The following ECHS1 variants were observed in gnomAD, a reference collection of about 807,000 sequenced individuals.
ECHS1 encodes the protein enoyl-CoA hydratase, short chain 1.
ECHS1 carries 19 observed loss-of-function variants against 33.5 expected under a neutral mutation model. The observed-to-expected ratio is 0.57, with a 90% confidence interval of 0.40 to 0.83. The LOEUF (loss-of-function observed/expected upper bound fraction) is 0.83, where lower values mean the gene tolerates loss of function less well. Ranked by LOEUF, ECHS1 falls within the 40% of genes least tolerant of loss-of-function variation. ECHS1 has a pLI of 0.00. For synonymous variants in ECHS1, 158 were observed against 146.6 expected, an observed-to-expected ratio of 1.08 and a Z score of -0.56; for missense variants, 365 against 381.3, an observed-to-expected ratio of 0.96 and a Z score of 0.36.
At chr10:133,363,038 C>A (rs1848984623) in intron 7 of ECHS1, 105 bp from the exon 8 acceptor site, 5 of 1,323,708 alleles carry the variant, frequency 3.8e-6, no homozygotes, top group Non-Finnish European at 5.4e-6. Flanking sequence ...CTCATGCTCA[C>A]AGGGGCCCAG....
chr10:133,368,472 GT>G lies in ECHS1; in HGVS notation c.514+450del, dbSNP rs201938099. 9.4e-3 allele frequency among the ~76,000 whole-genome samples: 1,424 copies of G among 152,242 alleles called. 9 individuals carry two copies. The highest frequency in any genetic ancestry group is 0.015 in the Non-Finnish European group (1,031 of 67,998). ...CAGGAGAACCCTGGGGTTAGAGGGT[GT>G]TGCTTTTTGCCAAGAGCCCAGGCCC... is the stretch of plus-strand genomic sequence containing the variant. On this transcript the variant is annotated intron_variant, in intron 4 of 7. Transcript: ENST00000368547.
chr10:133,372,407 G>GA (rs1046432634), intron 1 of ECHS1, among the ~76,000 whole-genome samples: 2 of 152,238 alleles, frequency 1.3e-5, no homozygotes, highest in Admixed American at 1.3e-4. Context: ...TGTGGCTGGG[G>GA]AGGAGGTGTC....
At chr10:133,364,778 T>C (rs1165550220) in intron 6 of ECHS1, 53 bp from the exon 7 acceptor site, 14 of 1,455,230 alleles carry the variant, frequency 9.6e-6, no homozygotes, top group African/African-American at 1.4e-5. Context: ...GCAGAACTTT[T>C]CCTGCACGGT....
intron 5 of ECHS1, among the ~76,000 whole-genome samples, 191 bp from the exon 6 acceptor site, chr10:133,366,286 A>G (rs2133439960): frequency 6.6e-6 from 1 of 152,382 alleles, no homozygotes; most frequent in South Asian, 2.1e-4. Flanking sequence ...CACTGCGGTC[A>G]CTGTGCTCTC....
chr10:133,366,239 C>G (rs1034554331), intron 5 of ECHS1, 144 bp from the exon 6 acceptor site: 5 of 878,658 alleles, frequency 5.7e-6, no homozygotes, highest in South Asian at 3.4e-5. Flanking sequence ...ACGGGAAGTG[C>G]CGCACGTGCC....
At chr10:133,368,710 T>G (rs533066937) in intron 4 of ECHS1, among the ~76,000 whole-genome samples, 1 of 152,108 alleles carries the variant, frequency 6.6e-6, no homozygotes, top group Non-Finnish European at 1.5e-5. Context: ...CCATCAGATG[T>G]GGGCACAGTC....
intron 1 of ECHS1, among the ~76,000 whole-genome samples, chr10:133,372,103 G>A (rs1315907678): frequency 6.6e-6 from 1 of 152,194 alleles, no homozygotes; most frequent in African/African-American, 2.4e-5. Flanking sequence ...TATCCTGTGG[G>A]TTTCTAGGGG....
intron 1 of ECHS1, among the ~76,000 whole-genome samples, chr10:133,371,369 C>T (rs1189826945): frequency 6.6e-6 from 1 of 152,198 alleles, no homozygotes; most frequent in South Asian, 2.1e-4. Context: ...TCAGCTCTTC[C>T]CAGGACACCA....
intron 1 of ECHS1, among the ~76,000 whole-genome samples, chr10:133,372,642 C>T (rs1310109823): frequency 2.7e-5 from 4 of 147,106 alleles, no homozygotes; most frequent in East Asian, 2.2e-4. Flanking sequence ...TCCCGCAGGA[C>T]GTGGCCTGGT....
At position 133,366,002 on chromosome 10, in the gene ECHS1, G is replaced by C; in HGVS notation, c.713C>G (p.Ala238Gly). 6.2e-7 allele frequency: 1 copy of C among 1,613,902 alleles called. No individual in the cohort carries two copies. Among genetic ancestry groups the C allele is most frequent in the Non-Finnish European group, 8.5e-7 (1 of 1,180,016 alleles). Residue 238 changes from alanine (A) to glycine (G), a missense_variant, in exon 6 of 8, where the codon GCG becomes GGG. Physicochemically the swap from Ala to Gly is moderately conservative, Grantham distance 60. Coordinates refer to ENST00000368547, the MANE Select transcript of ECHS1 (RefSeq NM_004092.4). ...TGCATTCACTGATTCTTTGGCCATC[G>C]CTACTACAATTTTAGAATTGCTGGC... ...KIASNSKIVV[A>G]MAKESVNAAF...
intron 3 of ECHS1, among the ~76,000 whole-genome samples, chr10:133,369,378 G>A (rs549167886): frequency 3.9e-4 from 11 of 28,054 alleles, no homozygotes; most frequent in African/African-American, 6.7e-4. Context: ...GGCAGGGAGT[G>A]TCATGAAATG....
intron 1 of ECHS1, among the ~76,000 whole-genome samples, chr10:133,372,719 G>A (rs902439367): frequency 6.2e-5 from 9 of 144,822 alleles, no homozygotes; most frequent in Admixed American, 4.1e-4. Flanking sequence ...GGGTGGTGTC[G>A]GTGCGGGGTG....
rs141145016 is a variant in ECHS1 at position 133,366,072 on chromosome 10, C to T, written c.643G>A (p.Val215Ile). Residue 215 changes from valine (V) to isoleucine (I), a missense_variant, in exon 6 of 8, where the codon GTT becomes ATT. Val to Ile is a conservative substitution (Grantham distance 29, BLOSUM62 3). Transcript: ENST00000368547. ...QAGLVSKICP[V>I]ETLVEEAIQC... The stretch of plus-strand genomic sequence containing the variant: ...ATGGCTTCTTCCACCAGTGTCTCAA[C>T]AGGACAAATCTTGCTGACAAGACCT... 98 of 1,613,658 alleles carry T rather than the reference C, an allele frequency of 6.1e-5. No homozygotes were observed. The Admixed American group carries it at 7.2e-4, about 12-fold the overall frequency.
At chr10:133,366,624 CACCT>C (rs1849034743) in intron 5 of ECHS1, among the ~76,000 whole-genome samples, 1 of 150,960 alleles carries the variant, frequency 6.6e-6, no homozygotes, top group African/African-American at 2.4e-5. Flanking sequence ...ACGAGGGGGA[CACCT>C]GGATGCCGCC....
In ECHS1 at chr10:133,367,180, C is replaced by T. The variant is rs575762722; in HGVS notation, c.515-187G>A. ...GCAGCCCCTTTTCAAGCTCAGGCCC[C>T]ACATCTGGTGCTCCCCTGTGGGCAA... On this transcript the variant is annotated intron_variant, in intron 4 of 7. Transcript: ENST00000368547. 3.8e-4 allele frequency among the ~76,000 whole-genome samples: 58 copies of T among 152,324 alleles called. 2 individuals are homozygous for T. The South Asian group carries it at 0.012, about 31-fold the overall frequency.
At position 133,373,163 on chromosome 10, in the gene ECHS1, G is replaced by T. The variant is rs1287063523; in HGVS notation, c.88+83C>A. 4.3e-6 allele frequency: 5 copies of T among 1,156,898 alleles called. No homozygotes were observed. In the South Asian group the frequency reaches 5.6e-5, roughly 13 times the overall value. 71.7% of individuals were successfully genotyped at this position (1,156,898 alleles called of 1,614,324 possible). A position where few individuals can be genotyped will look rare whatever the true frequency, so the allele number is the denominator to read the frequency against. On this transcript the variant is annotated intron_variant, in intron 1 of 7. Coordinates refer to ENST00000368547, the MANE Select transcript of ECHS1 (RefSeq NM_004092.4). ...GGGGGATGCGGGGTCAGGTGGGAGG[G>T]GGGTGCGGTCTGGGATCTGGTCTGG...
At chr10:133,363,043 G>A in intron 7 of ECHS1, 110 bp from the exon 8 acceptor site, 4 of 1,297,166 alleles carry the variant, frequency 3.1e-6, no homozygotes, top group East Asian at 2.3e-5. Context: ...GCTCACAGGG[G>A]CCCAGGGGGC....
intron 4 of ECHS1, among the ~76,000 whole-genome samples, chr10:133,367,491 A>G (rs964995876): frequency 4.0e-5 from 6 of 151,678 alleles, no homozygotes; most frequent in Admixed American, 1.3e-4. Context: ...TCACACCTGC[A>G]TAAGGGCCGC....
In ECHS1 at chr10:133,370,777, A is replaced by C. The variant is rs754134439; in HGVS notation, c.89-20T>G. 1.9e-6 allele frequency: 3 copies of C among 1,600,708 alleles called. No individual in the cohort carries two copies. Reference sequence around the variant, plus strand: ...TAGCACCTGGAGCAAGAAGGCAAAAAGGGGTATCTATTCACACAGGTATCA... The same window carrying C: ...TAGCACCTGGAGCAAGAAGGCAAAACGGGGTATCTATTCACACAGGTATCA... On this transcript the variant is annotated intron_variant, in intron 1 of 7. Transcript: ENST00000368547.
Sources: allele counts gnomAD v4.1 joint callset (sites outside exome capture counted in the v4.1 genomes callset), GRCh38; gene constraint gnomAD v4.1.1; transcripts MANE v1.5; gene names NCBI Gene and HGNC (gene_info 2026-07-23, HGNC 2026-07-21).